The following LTBP4 variants were observed in gnomAD, a reference collection of about 807,000 sequenced individuals.
LTBP4 encodes latent transforming growth factor beta binding protein 4, also known as latent-transforming growth factor beta-binding protein 4.
In LTBP4, 93 loss-of-function variants were observed where a neutral mutation model predicts 180.2. The ratio of observed to expected loss-of-function variants is 0.52; its 90% confidence interval spans 0.44 to 0.61. The LOEUF (loss-of-function observed/expected upper bound fraction) is 0.61. Ranked by LOEUF, LTBP4 falls within the 20% of genes least tolerant of loss-of-function variation. The pLI, the probability that LTBP4 is intolerant of heterozygous loss-of-function variation, is 0.00. For synonymous variants in LTBP4, 947 were observed against 934.5 expected (o/e 1.01, Z -0.24); for missense variants, 2,116 against 2,256.5 (o/e 0.94, Z 1.26).
chr19:40,614,836 A>T (rs1396777805), intron 19 of LTBP4, among the ~76,000 whole-genome samples: 3 of 151,900 alleles, frequency 2.0e-5, no homozygotes, highest in African/African-American at 7.3e-5. Flanking sequence ...GCCCTCCACC[A>T]GTCCTACTTC....
At chr19:40,625,281 TATATATATA>T (rs2081619866) in intron 26 of LTBP4, among the ~76,000 whole-genome samples, 4 of 9,806 alleles carry the variant, frequency 4.1e-4, no homozygotes, top group Admixed American at 9.4e-4. Flanking sequence ...TATATATATA[TATATATATA>T]TATATATATA....
intron 19 of LTBP4, among the ~76,000 whole-genome samples, chr19:40,615,756 C>CAA (rs57019847): frequency 6.7e-6 from 1 of 149,540 alleles, no homozygotes; most frequent in East Asian, 2.0e-4. Context: ...GAGATTGTCT[C>CAA]AAAAAAAAAA....
intron 22 of LTBP4, among the ~76,000 whole-genome samples, chr19:40,621,867 C>G (rs922390742): frequency 2.6e-5 from 4 of 152,172 alleles, no homozygotes; most frequent in African/African-American, 9.7e-5. Context: ...CCTGCCTCAG[C>G]CTCCCAAGTA....
rs1489964029 is a variant in LTBP4 at position 40,627,209 on chromosome 19, C to T, written c.4220C>T (p.Pro1407Leu). 1 of 1,610,332 alleles carries T rather than the reference C, an allele frequency of 6.2e-7. No individual in the cohort carries two copies. The highest frequency in any genetic ancestry group is 2.2e-5 in the East Asian group (1 of 44,758). ...TATGGGGCACCCCGCTTCGACATGCCAGACTTTGAGGACGATGGTGGCCCC... is the reference window on the plus strand; with the variant it reads ...TATGGGGCACCCCGCTTCGACATGCTAGACTTTGAGGACGATGGTGGCCCC... ...APYGAPRFDMPDFEDDGGPYG... is the reference protein window; with the variant it reads ...APYGAPRFDMLDFEDDGGPYG... The change falls in exon 28 of 30, where the codon CCA becomes CTA. Residue 1407 changes from proline (P) to leucine (L), a missense_variant. Transcript: ENST00000396819.
At chr19:40,616,328 T>A (rs530905144) in intron 19 of LTBP4, among the ~76,000 whole-genome samples, 8,175 of 146,956 alleles carry the variant, frequency 0.056, 763 homozygotes, top group African/African-American at 0.19. Context: ...GGGTGGCTCA[T>A]GCCTATAATC....
chr19:40,605,866 TG>T lies in LTBP4; in HGVS notation c.793+39del. Reference sequence around the variant, plus strand: ...AGGACGTCCCCGAAGTGCTCGGAGCTGGGGAGTGGTGACAACCTCACCGTTC... The same window carrying T: ...AGGACGTCCCCGAAGTGCTCGGAGCTGGGAGTGGTGACAACCTCACCGTTC... On this transcript the variant is annotated intron_variant, in intron 4 of 29. Coordinates refer to ENST00000396819, the MANE Select transcript of LTBP4 (RefSeq NM_001042545.2). The surrounding 1 kb of genome is among the most constrained non-coding windows in gnomAD (Gnocchi z 5.5). 2 of 1,527,136 alleles carry T rather than the reference TG, an allele frequency of 1.3e-6. No individual in the cohort carries two copies. The allele number at this position is 1,527,136 out of a possible 1,614,324, so 94.6% of individuals were successfully genotyped here.
Position 40,614,122 on chromosome 19 carries a change from T to C in LTBP4, c.2680+84T>C, listed in dbSNP as rs1413547559. On this transcript the variant is annotated intron_variant, in intron 18 of 29. Transcript: ENST00000396819. ...GGCCTCCCACCTCTGTCTTTCCTCCTCCGCTTCTCCCCTCCCCTTACCTCT... is the reference window on the plus strand; with the variant it reads ...GGCCTCCCACCTCTGTCTTTCCTCCCCCGCTTCTCCCCTCCCCTTACCTCT... 13 of 1,562,384 alleles carry C rather than the reference T, an allele frequency of 8.3e-6. No homozygotes were observed. The East Asian group carries it at 2.7e-4, about 33-fold the overall frequency.
rs780461742 is a variant in LTBP4 at position 40,614,464 on chromosome 19, C to T, written c.2812+18C>T. On this transcript the variant is annotated intron_variant, in intron 19 of 29. Transcript: ENST00000396819. Reference sequence around the variant, plus strand: ...CTGTGACGGTGAGCCTGCCCCCACCCGCCTTCGCTAGCGCTTGCAACGCGG... The same window carrying T: ...CTGTGACGGTGAGCCTGCCCCCACCTGCCTTCGCTAGCGCTTGCAACGCGG... 12 of 1,594,894 alleles carry T rather than the reference C, an allele frequency of 7.5e-6. No individual in the cohort carries two copies. In the South Asian group the frequency reaches 1.3e-4, roughly 18 times the overall value.
intron 11 of LTBP4, 135 bp downstream of exon 11, chr19:40,610,006 C>T (rs2081493360): frequency 1.6e-6 from 2 of 1,231,548 alleles, no homozygotes; most frequent in Non-Finnish European, 2.2e-6. Flanking sequence ...GGCCCTTGGC[C>T]CTGCCCTTCC....
rs1368858493 is a variant in LTBP4 at position 40,611,882 on chromosome 19, C to A, written c.2077C>A (p.Pro693Thr). 6.2e-6 allele frequency: 10 copies of A among 1,608,412 alleles called. No individual in the cohort carries two copies. The highest frequency in any genetic ancestry group is 8.5e-6 in the Non-Finnish European group (10 of 1,177,664). The change falls in exon 14 of 30, where the codon CCC (proline) becomes ACC (threonine). Residue 693 changes from proline to threonine, a missense_variant. Pro to Thr is a conservative substitution (Grantham distance 38). Coordinates refer to ENST00000396819, the MANE Select transcript of LTBP4 (RefSeq NM_001042545.2). This position sits in a 1 kb window ranked among gnomAD's most constrained non-coding sequence, Gnocchi z 4.4. ...CQDVDECARS[P>T]PPCTYGRCEN... Reference sequence around the variant, plus strand: ...AGATGTGGATGAGTGTGCCCGAAGCCCCCCACCCTGCACCTACGGCCGGTG... The same window carrying A: ...AGATGTGGATGAGTGTGCCCGAAGCACCCCACCCTGCACCTACGGCCGGTG...
At position 40,607,417 on chromosome 19, in the gene LTBP4, C is replaced by T. The variant is rs559122752; in HGVS notation, c.1044C>T (p.Asp348=). 2 of 1,613,118 alleles carry T rather than the reference C, an allele frequency of 1.2e-6. No individual in the cohort carries two copies. The highest frequency in any genetic ancestry group is 1.7e-5 in the Admixed American group (1 of 59,916). ...GGCCCTGCTTCCGCGTGCTCCGCGA[C>T]GGCGGCTGTTCGCTGCCCATTCTGC... ...AKGPCFRVLR[D]GGCSLPILRN... Residue 348 remains aspartate (D), a synonymous_variant, in exon 7 of 30, where the codon GAC becomes GAT. Coordinates refer to ENST00000396819, the MANE Select transcript of LTBP4 (RefSeq NM_001042545.2).
rs2081521687 is a variant in LTBP4, at chr19:40,613,353, TG to T, written c.2432-50del. ...GGGTTACTGCGATGTGGGCGGAGCT[TG>T]TCTGGGAGGCCGGGTCCCGTGACTC... is the stretch of plus-strand genomic sequence containing the variant. On this transcript the variant is annotated intron_variant, in intron 16 of 29. Transcript: ENST00000396819. The surrounding 1 kb of genome is among the most constrained non-coding windows in gnomAD (Gnocchi z 5.0). The T allele has an allele frequency of 3.2e-6, 5 of 1,583,988 alleles. No individual in the cohort carries two copies. The highest frequency in any genetic ancestry group is 1.8e-5 in the Admixed American group (1 of 56,076).
intron 29 of LTBP4, 56 bp downstream of exon 29, chr19:40,627,913 G>C: frequency 1.3e-6 from 2 of 1,519,838 alleles, no homozygotes; most frequent in South Asian, 2.4e-5. Flanking sequence ...TGTCCAGGGA[G>C]GGTGGAAGCC....
Position 40,619,334 on chromosome 19 carries a change from C to G in LTBP4, c.3071-13C>G, listed in dbSNP as rs376512237. 10 of 1,612,020 alleles carry G rather than the reference C, an allele frequency of 6.2e-6. No homozygotes were observed. The highest frequency in any genetic ancestry group is 8.5e-6 in the Non-Finnish European group (10 of 1,178,546). On this transcript the variant is annotated splice_polypyrimidine_tract_variant and intron_variant, in intron 21 of 29. Coordinates refer to ENST00000396819, the MANE Select transcript of LTBP4 (RefSeq NM_001042545.2). The stretch of plus-strand genomic sequence containing the variant: ...CCACTGAGTCCCTCTCCCCTGTTGT[C>G]TCCTGCTTACAGATGTGAACGAGTG...
At chr19:40,608,847 G>C (rs573065449) in intron 9 of LTBP4, 1 of 375,874 alleles carries the variant, frequency 2.7e-6, no homozygotes, top group South Asian at 3.0e-5. Flanking sequence ...GGAGGCAGAG[G>C]TTGCAGTGAG....
At chr19:40,599,725 T>C, upstream of LTBP4, 1 of 629,512 alleles carries the variant, frequency 1.6e-6, no homozygotes, top group Non-Finnish European at 2.8e-6. Flanking sequence ...CTTGCCTGCC[T>C]ATCTCAGGCT....
upstream of LTBP4, chr19:40,599,358 T>C: frequency 6.2e-7 from 1 of 1,610,626 alleles, no homozygotes; most frequent in Non-Finnish European, 8.5e-7. Context: ...GAGAGCTGGA[T>C]GCATTTGGTA....
chr19:40,599,083 AT>A, upstream of LTBP4: 2 of 905,504 alleles, frequency 2.2e-6, no homozygotes, highest in East Asian at 5.3e-5. Context: ...CGTTAGTCAT[AT>A]ACCTGTTTCA....
intron 11 of LTBP4, chr19:40,610,286 C>T (rs1599865463): frequency 1.8e-6 from 1 of 555,182 alleles, no homozygotes; most frequent in African/African-American, 1.9e-5. Flanking sequence ...CCTTTCTTCT[C>T]TAGCCCCTAC....
Sources: gnomAD v4.1 joint callset for allele counts (sites outside exome capture counted in the v4.1 genomes callset) on GRCh38, gnomAD v4.1.1 for gene constraint, Gnocchi (gnomAD v3.1) non-coding constraint, MANE v1.5 for transcripts, NCBI Gene and HGNC (gene_info 2026-07-23, HGNC 2026-07-21) for gene names.